GRM7: variants seen among roughly 807,000 people sequenced by gnomAD.
GRM7 encodes the protein glutamate metabotropic receptor 7.
In GRM7, 35 loss-of-function variants were observed where a neutral mutation model predicts 84.5. The ratio of observed to expected loss-of-function variants is 0.41; its 90% CI spans 0.32 to 0.55. The LOEUF is 0.55. Among genes scored for constraint, GRM7 ranks in the 20% least tolerant of loss-of-function variants. The pLI is 0.19. For synonymous variants in GRM7, 487 were observed against 455.1 expected (o/e 1.07, Z -0.89); for missense variants, 1,003 against 1,194.6 (o/e 0.84, Z 2.36).
At chr3:7,519,495 C>G (rs1027364613) in intron 7 of GRM7, among the ~76,000 whole-genome samples, 1 of 152,152 alleles carries the variant, frequency 6.6e-6, no homozygotes, top group African/African-American at 2.4e-5. Flanking sequence ...CCTTAATATT[C>G]AATTCAGATA....
At position 7,479,239 on chromosome 3, in the gene GRM7, C is replaced by T. The variant is rs111580082; in HGVS notation, c.1515+17517C>T. 4.6e-3 allele frequency among the ~76,000 whole-genome samples: 703 copies of T among 152,132 alleles called. 6 individuals are homozygous for T. Among genetic ancestry groups the T allele is most frequent in the African/African-American group, 0.016 (664 of 41,508 alleles). ...TCACTCTGGGCATCTAGAGCTACAT[C>T]TCACTGGTGACTCACAGGGAATGTC... On this transcript the variant is annotated intron_variant, in intron 7 of 9. Coordinates refer to ENST00000357716, the MANE Select transcript of GRM7 (RefSeq NM_000844.4).
At chr3:7,074,331 T>A (rs1336344685) in intron 1 of GRM7, among the ~76,000 whole-genome samples, 1 of 152,092 alleles carries the variant, frequency 6.6e-6, no homozygotes, top group East Asian at 1.9e-4. Context: ...TTCATTTAGG[T>A]TGAACCATAA....
intron 1 of GRM7, among the ~76,000 whole-genome samples, chr3:7,114,497 A>G (rs1692964961): frequency 6.6e-6 from 1 of 152,224 alleles, no homozygotes; most frequent in Admixed American, 6.5e-5. Context: ...TTTAATACAT[A>G]AAATTTACTA....
At chr3:7,696,494 A>G (rs1364046947) in intron 9 of GRM7, among the ~76,000 whole-genome samples, 1 of 152,186 alleles carries the variant, frequency 6.6e-6, no homozygotes, top group Non-Finnish European at 1.5e-5. Context: ...AGTAATGTGC[A>G]TATTCACTCA....
chr3:7,074,950 G>A (rs1380050737), intron 1 of GRM7, among the ~76,000 whole-genome samples: 1 of 152,212 alleles, frequency 6.6e-6, no homozygotes, highest in African/African-American at 2.4e-5. Context: ...TAGGTTAATA[G>A]CATTTTCACT....
intron 1 of GRM7, among the ~76,000 whole-genome samples, chr3:6,945,741 T>C (rs1420710219): frequency 6.6e-6 from 1 of 152,224 alleles, no homozygotes; most frequent in Non-Finnish European, 1.5e-5. Flanking sequence ...CCTGACTTTT[T>C]AATGATCGCC....
Position 7,587,816 on chromosome 3 carries a change from A to G in GRM7, c.2451+8459A>G, listed in dbSNP as rs537509953. ...GGTTAGCACACAACCTGAAGGGTGC[A>G]GAAGAATGAGAAGAATCCCTTAGAG... On this transcript the variant is annotated intron_variant, in intron 8 of 9. Coordinates refer to ENST00000357716, the MANE Select transcript of GRM7 (RefSeq NM_000844.4). Among the ~76,000 whole-genome samples, 8 of 152,314 alleles carry G rather than the reference A, an allele frequency of 5.3e-5. No homozygotes were observed. The East Asian group carries it at 1.4e-3, about 26-fold the overall frequency.
intron 9 of GRM7, among the ~76,000 whole-genome samples, chr3:7,696,778 G>A (rs911621456): frequency 1.3e-5 from 2 of 152,222 alleles, no homozygotes; most frequent in Admixed American, 6.5e-5. Flanking sequence ...GCAAAGGACT[G>A]AAGATGGCTA....
chr3:7,367,012 T>C (rs1015563478), intron 4 of GRM7, among the ~76,000 whole-genome samples: 10 of 151,862 alleles, frequency 6.6e-5, no homozygotes, highest in African/African-American at 9.7e-5. Flanking sequence ...CTAAGGATTC[T>C]TGTAGGAATA....
chr3:7,138,602 C>G (rs1693845200), intron 1 of GRM7, among the ~76,000 whole-genome samples: 1 of 151,512 alleles, frequency 6.6e-6, no homozygotes, highest in Admixed American at 6.6e-5. Flanking sequence ...TAATGTGTTA[C>G]AGCATGTGGG....
At position 7,099,751 on chromosome 3, in the gene GRM7, G is replaced by A. The variant is rs1361979374; in HGVS notation, c.520-46701G>A. 2.0e-4 allele frequency among the ~76,000 whole-genome samples: 14 copies of A among 70,446 alleles called. 4 individuals carry two copies. The African/African-American group carries it at 2.4e-3, about 12-fold the overall frequency. 46.2% of individuals were successfully genotyped at this position (70,446 alleles called of 152,430 possible). On this transcript the variant is annotated intron_variant, in intron 1 of 9. Transcript: ENST00000357716. ...GTATATGTACACGCATTATACATGT[G>A]CACATACATGTATATGTACACGCAT...
chr3:7,119,363 A>T (rs544073296), intron 1 of GRM7, among the ~76,000 whole-genome samples: 1 of 152,244 alleles, frequency 6.6e-6, no homozygotes, highest in East Asian at 1.9e-4. Context: ...TGGAAATTGT[A>T]TACGTGCTGG....
intron 8 of GRM7, among the ~76,000 whole-genome samples, chr3:7,627,822 G>A (rs962383889): frequency 3.9e-5 from 6 of 152,120 alleles, no homozygotes; most frequent in Non-Finnish European, 8.8e-5. Context: ...TCTCCTATGT[G>A]TATCTGCGTC....
intron 1 of GRM7, among the ~76,000 whole-genome samples, chr3:7,109,068 T>A (rs1222523068): frequency 6.6e-6 from 1 of 152,082 alleles, no homozygotes; most frequent in Non-Finnish European, 1.5e-5. Flanking sequence ...CTCAGGGAAG[T>A]GTCCATGGCC....
chr3:7,114,821 C>T (rs770313202), intron 1 of GRM7, among the ~76,000 whole-genome samples: 16 of 152,062 alleles, frequency 1.1e-4, no homozygotes, highest in Non-Finnish European at 2.1e-4. Flanking sequence ...TTTCTAATGA[C>T]CAGTTTCGTG....
intron 9 of GRM7, among the ~76,000 whole-genome samples, chr3:7,689,310 G>A (rs562385949): frequency 6.6e-6 from 1 of 152,310 alleles, no homozygotes; most frequent in South Asian, 2.1e-4. Flanking sequence ...TTTTGGAACT[G>A]TGCAGTGCAA....
chr3:7,556,240 G>C (rs576775947), intron 7 of GRM7, among the ~76,000 whole-genome samples: 5 of 152,160 alleles, frequency 3.3e-5, no homozygotes, highest in African/African-American at 1.2e-4. Flanking sequence ...TGAGGGCTTT[G>C]TCCTCATTAT....
At chr3:6,972,268 C>T (rs1559360425) in intron 1 of GRM7, among the ~76,000 whole-genome samples, 2 of 152,124 alleles carry the variant, frequency 1.3e-5, no homozygotes, top group African/African-American at 2.4e-5. Flanking sequence ...AAAAAGACTC[C>T]TGTGAATTTT....
At chr3:7,123,383 C>T (rs2125045800) in intron 1 of GRM7, among the ~76,000 whole-genome samples, 1 of 152,194 alleles carries the variant, frequency 6.6e-6, no homozygotes, top group Non-Finnish European at 1.5e-5. Context: ...CTTTGGGAGG[C>T]CGAGGTGAGT....
Sources: allele counts gnomAD v4.1 joint callset (sites outside exome capture counted in the v4.1 genomes callset), GRCh38; gene constraint gnomAD v4.1.1; transcripts MANE v1.5; gene names NCBI Gene and HGNC (gene_info 2026-07-23, HGNC 2026-07-21).